SVIL: variants seen among roughly 807,000 people sequenced by gnomAD.
The protein encoded by SVIL is archvillin.
Under a neutral mutation model 240.4 loss-of-function variants are expected in SVIL, and 101 were observed. The ratio of observed to expected loss-of-function variants is 0.42; its 90% CI spans 0.36 to 0.50. SVIL has a LOEUF of 0.50. Ranked by LOEUF, SVIL falls within the 20% of genes least tolerant of loss-of-function variation. The pLI is 0.01. For synonymous variants in SVIL, 999 were observed against 1,100.0 expected (o/e 0.91, Z 1.82); for missense variants, 2,512 against 2,818.7 (o/e 0.89, Z 2.46).
intron 2 of SVIL, among the ~76,000 whole-genome samples, chr10:29,678,172 T>C (rs1051606610): frequency 7.9e-5 from 12 of 152,042 alleles, no homozygotes; most frequent in Admixed American, 7.9e-4. Context: ...GTGCATTACA[T>C]TTATTGTGCA....
At chr10:29,519,374 C>T (rs977220295) in intron 16 of SVIL, among the ~76,000 whole-genome samples, 43 of 152,144 alleles carry the variant, frequency 2.8e-4, no homozygotes, top group Non-Finnish European at 8.8e-5. Flanking sequence ...AGCCGAATCC[C>T]TCCTTTGGTA....
chr10:29,576,713 T>G (rs1003626361), intron 1 of SVIL, among the ~76,000 whole-genome samples: 3 of 152,144 alleles, frequency 2.0e-5, no homozygotes, highest in Non-Finnish European at 4.4e-5. Context: ...CCTGGTTAAT[T>G]TTTGAATTTT....
At chr10:29,701,348 C>T (rs201903447) in intron 1 of SVIL, among the ~76,000 whole-genome samples, 1 of 151,882 alleles carries the variant, frequency 6.6e-6, no homozygotes, top group Non-Finnish European at 1.5e-5. Context: ...GGCCAATACC[C>T]AAAAAACTCT....
chr10:29,682,643 A>C (rs1960752861), intron 2 of SVIL, among the ~76,000 whole-genome samples: 1 of 152,236 alleles, frequency 6.6e-6, no homozygotes, highest in South Asian at 2.1e-4. Flanking sequence ...TAGAAGGAAG[A>C]AGGAGAAACA....
At chr10:29,660,365 A>G (rs1262983894) in intron 2 of SVIL, among the ~76,000 whole-genome samples, 1 of 152,196 alleles carries the variant, frequency 6.6e-6, no homozygotes, top group Non-Finnish European at 1.5e-5. Flanking sequence ...TTGTTCCAGC[A>G]CTTTAGGAGG....
At chr10:29,567,780 G>C (rs1955090996) in intron 2 of SVIL, among the ~76,000 whole-genome samples, 2 of 152,252 alleles carry the variant, frequency 1.3e-5, no homozygotes, top group Middle Eastern at 6.8e-3. Flanking sequence ...ACTTTGGGAG[G>C]CCGAGGTGGG....
At chr10:29,729,607 G>A (rs961088412) in intron 1 of SVIL, among the ~76,000 whole-genome samples, 2 of 148,894 alleles carry the variant, frequency 1.3e-5, no homozygotes, top group African/African-American at 5.0e-5. Context: ...AGGCCGAGGT[G>A]GGCAGATCAT....
chr10:29,486,358 G>C, intron 25 of SVIL, 52 bp downstream of exon 25: 2 of 1,607,022 alleles, frequency 1.2e-6, no homozygotes, highest in Non-Finnish European at 1.7e-6. Context: ...AGCTAAGGGA[G>C]AAGAAAGGAG....
chr10:29,704,126 A>G (rs1223146313), intron 1 of SVIL, among the ~76,000 whole-genome samples: 2 of 152,122 alleles, frequency 1.3e-5, no homozygotes, highest in Non-Finnish European at 2.9e-5. Flanking sequence ...TGAACTGTTC[A>G]TTAATATCCT....
At chr10:29,703,991 G>A (rs1270952340) in intron 1 of SVIL, among the ~76,000 whole-genome samples, 1 of 152,056 alleles carries the variant, frequency 6.6e-6, no homozygotes, top group Non-Finnish European at 1.5e-5. Context: ...TGTAGAGATG[G>A]GGTCTCTCCC....
intron 1 of SVIL, among the ~76,000 whole-genome samples, chr10:29,626,333 A>T (rs1290969078): frequency 2.0e-5 from 3 of 152,220 alleles, no homozygotes; most frequent in African/African-American, 7.2e-5. Context: ...CGCTCAGGGT[A>T]CTTTAGTACC....
At position 29,689,890 on chromosome 10, in the gene SVIL, G is replaced by A. The variant is rs568211846; in HGVS notation, c.-399-3239C>T. Among the ~76,000 whole-genome samples the A allele has an allele frequency of 1.3e-3, 191 of 152,262 alleles. 1 individual carries two copies. Among genetic ancestry groups the A allele is most frequent in the Non-Finnish European group, 1.7e-3 (113 of 68,022 alleles). On this transcript the variant is annotated intron_variant, in intron 1 of 35. Coordinates refer to the SVIL transcript ENST00000375400. Reference sequence around the variant, plus strand: ...TTCCCCCAAATACAGAATTTCATGAGGCTAATCAAAATGGCATTAGAGAAT... The same window carrying A: ...TTCCCCCAAATACAGAATTTCATGAAGCTAATCAAAATGGCATTAGAGAAT...
chr10:29,684,014 G>A (rs17294592), intron 2 of SVIL, among the ~76,000 whole-genome samples: 17,484 of 151,916 alleles, frequency 0.12, 1,203 homozygotes, highest in Admixed American at 0.2. Context: ...ACATCTTTGC[G>A]TAATTTTTTT....
At chr10:29,561,024 C>T (rs11007652) in intron 3 of SVIL, among the ~76,000 whole-genome samples, 54,146 of 151,360 alleles carry the variant, frequency 0.36, 9,883 homozygotes, top group African/African-American at 0.42. Context: ...GGTTTCACCA[C>T]GTTAGCCAGG....
intron 26 of SVIL, 114 bp downstream of exon 26, chr10:29,485,971 G>C: frequency 1.7e-6 from 2 of 1,205,098 alleles, no homozygotes; most frequent in Non-Finnish European, 2.3e-6. Context: ...TTCTACAATG[G>C]ATACCGACAC....
intron 2 of SVIL, among the ~76,000 whole-genome samples, chr10:29,667,369 T>TC (rs1959389759): frequency 6.6e-6 from 1 of 152,094 alleles, no homozygotes; most frequent in African/African-American, 2.4e-5. Context: ...TCAAAAGACA[T>TC]CCTGTGTGAC....
chr10:29,612,898 C>T (rs1957297398), intron 1 of SVIL, among the ~76,000 whole-genome samples: 1 of 152,110 alleles, frequency 6.6e-6, no homozygotes, highest in African/African-American at 2.4e-5. Flanking sequence ...AGGGATGAGG[C>T]TGGGCGTGGT....
At position 29,462,163 on chromosome 10, in the gene SVIL, G is replaced by C. The variant is rs12777968; in HGVS notation, c.6402+114C>G. Reference sequence around the variant, plus strand: ...GTAGGTTTGTTAAGATGTTGCAAAAGGAAAAATATTTTCCCACTCTGAAAG... The same window carrying C: ...GTAGGTTTGTTAAGATGTTGCAAAACGAAAAATATTTTCCCACTCTGAAAG... On this transcript the variant is annotated intron_variant, in intron 36 of 37. Transcript: ENST00000355867. 106,572 of 1,366,258 alleles carry C rather than the reference G, an allele frequency of 0.078. 4,374 individuals carry two copies. The highest frequency in any genetic ancestry group is 0.13 in the Admixed American group (5,047 of 38,886). The allele number at this position is 1,366,258 out of a possible 1,614,324, so 84.6% of individuals were successfully genotyped here.
intron 1 of SVIL, among the ~76,000 whole-genome samples, chr10:29,607,539 C>G (rs1957071900): frequency 6.6e-6 from 1 of 151,578 alleles, no homozygotes; most frequent in African/African-American, 2.4e-5. Flanking sequence ...TTTAGGAGTG[C>G]CTTCCAGTTG....
Sources: gnomAD v4.1 joint callset for allele counts (sites outside exome capture counted in the v4.1 genomes callset) on GRCh38, gnomAD v4.1.1 for gene constraint, MANE v1.5 for transcripts, NCBI Gene and HGNC (gene_info 2026-07-23, HGNC 2026-07-21) for gene names.